The following DNAH14 variants were observed in gnomAD, a reference collection of about 807,000 sequenced individuals.
DNAH14 encodes dynein axonemal heavy chain 14, also known as axonemal beta dynein heavy chain 14.
A neutral mutation model predicts 520.9 loss-of-function variants in DNAH14; 478 were observed. The observed-to-expected ratio is 0.92, with a 90% confidence interval of 0.85 to 0.99. The LOEUF is 0.99. Ranked by LOEUF, DNAH14 falls within the 50% of genes least tolerant of loss-of-function variation. The pLI is 0.00. For missense variants in DNAH14, 4,831 were observed against 5,234.5 expected, an observed-to-expected ratio of 0.92 and a Z score of 2.38; for synonymous variants, 1,581 against 1,757.2, an observed-to-expected ratio of 0.90 and a Z score of 2.51.
intron 37 of DNAH14, among the ~76,000 whole-genome samples, chr1:225,187,278 G>T (rs1337076990): frequency 6.6e-6 from 1 of 151,612 alleles, no homozygotes; most frequent in Non-Finnish European, 1.5e-5. Context: ...TATCACCCCA[G>T]GAGAACACCC....
At chr1:224,971,234 T>C (rs10915749) in intron 7 of DNAH14, among the ~76,000 whole-genome samples, 6,831 of 152,258 alleles carry the variant, frequency 0.045, 429 homozygotes, top group African/African-American at 0.14. Context: ...ATTTTCTTGT[T>C]TCTTCTCTAA....
intron 55 of DNAH14, among the ~76,000 whole-genome samples, chr1:225,294,799 G>C (rs2093970597): frequency 6.7e-6 from 1 of 149,334 alleles, no homozygotes; most frequent in Non-Finnish European, 1.5e-5. Context: ...ACTCCAGCCT[G>C]GGTGACAGAG....
At chr1:225,391,015 C>T (rs1294996357) in intron 83 of DNAH14, among the ~76,000 whole-genome samples, 1 of 152,160 alleles carries the variant, frequency 6.6e-6, no homozygotes, top group Non-Finnish European at 1.5e-5. Flanking sequence ...GTTTCAATGA[C>T]TGGACTAAGC....
Position 225,360,765 on chromosome 1 carries a change from G to A in DNAH14, c.11861G>A (p.Arg3954His), listed in dbSNP as rs540549680. Residue 3954 changes from arginine to histidine, a missense_variant, in exon 75 of 86, where the codon CGT becomes CAT. Coordinates refer to ENST00000682510, the MANE Select transcript of DNAH14 (RefSeq NM_001367479.1). ...CATGTGACCATAATTTCTCTGGGCC[G>A]TGACCAAGCAGCTAAAGCTGAAGAC... Reference protein sequence around the residue: ...THHVTIISLGRDQAAKAEDLI... With the variant: ...THHVTIISLGHDQAAKAEDLI... The A allele has an allele frequency of 7.7e-5, 119 of 1,551,696 alleles. No homozygotes were observed. In the East Asian group the frequency reaches 8.1e-4, roughly 11 times the overall value.
chr1:225,000,465 AT>A (rs113602350), intron 8 of DNAH14, among the ~76,000 whole-genome samples: 136 of 139,512 alleles, frequency 9.7e-4, no homozygotes, highest in South Asian at 1.8e-3. Flanking sequence ...TTCTTCAAGT[AT>A]TTTTTTTTTT....
At chr1:225,180,997 G>A (rs974209120) in intron 36 of DNAH14, among the ~76,000 whole-genome samples, 1 of 152,030 alleles carries the variant, frequency 6.6e-6, no homozygotes, top group Non-Finnish European at 1.5e-5. Context: ...TCCTTCTGGA[G>A]TCCCCAATGT....
At chr1:225,010,431 C>T (rs1053991600) in intron 10 of DNAH14, among the ~76,000 whole-genome samples, 13 of 152,052 alleles carry the variant, frequency 8.5e-5, no homozygotes, top group Non-Finnish European at 1.8e-4. Context: ...AGCCTTGCAT[C>T]CTAGGGATGA....
At chr1:225,118,054 C>T in intron 25 of DNAH14, 55 bp downstream of exon 25, 1 of 1,335,998 alleles carries the variant, frequency 7.5e-7, no homozygotes, top group South Asian at 1.3e-5. Flanking sequence ...TATTTAAAAT[C>T]TCTGCTTTGA....
chr1:225,018,327 C>T (rs1266864738), intron 10 of DNAH14, among the ~76,000 whole-genome samples: 2 of 151,954 alleles, frequency 1.3e-5, no homozygotes, highest in Non-Finnish European at 2.9e-5. Flanking sequence ...TCACTTGAAG[C>T]AATGAAAAAT....
chr1:225,285,259 A>T (rs2093711191), intron 54 of DNAH14, among the ~76,000 whole-genome samples: 1 of 152,198 alleles, frequency 6.6e-6, no homozygotes, highest in Non-Finnish European at 1.5e-5. Context: ...CCCAATTAAA[A>T]ATAAACAGGC....
Position 225,311,574 on chromosome 1 carries a change from T to C in DNAH14, c.9240+3164T>C, listed in dbSNP as rs534276414. ...CCTAGGTTTTCTTCTAGGGTTTTTA[T>C]GGTTTGGGGTCTTACATTTAAATCT... is the stretch of plus-strand genomic sequence containing the variant. On this transcript the variant is annotated intron_variant, in intron 60 of 85. Coordinates refer to ENST00000682510, the MANE Select transcript of DNAH14 (RefSeq NM_001367479.1). Among the ~76,000 whole-genome samples the C allele has an allele frequency of 2.6e-5, 4 of 152,362 alleles. No homozygotes were observed. In the East Asian group the frequency reaches 7.7e-4, roughly 29 times the overall value.
intron 69 of DNAH14, 32 bp from the exon 70 acceptor site, chr1:225,345,930 T>G: frequency 6.6e-7 from 1 of 1,506,248 alleles, no homozygotes; most frequent in East Asian, 2.5e-5. Context: ...TACAATAGTC[T>G]TTATTTAACT....
chr1:225,097,373 G>A (rs755399162), intron 22 of DNAH14, 134 bp downstream of exon 22: 119 of 814,346 alleles, frequency 1.5e-4, no homozygotes, highest in Non-Finnish European at 2.0e-4. Context: ...GGTATAATTT[G>A]CTGAATCATT....
chr1:225,302,388 C>T (rs993224492), intron 56 of DNAH14, among the ~76,000 whole-genome samples: 6 of 151,956 alleles, frequency 3.9e-5, no homozygotes, highest in Non-Finnish European at 8.8e-5. Context: ...AAAAATCTTG[C>T]CTTTTAGTCT....
chr1:225,129,764 A>G (rs1298720793), intron 27 of DNAH14, among the ~76,000 whole-genome samples: 2 of 152,102 alleles, frequency 1.3e-5, no homozygotes, highest in Non-Finnish European at 1.5e-5. Flanking sequence ...ATGGGCAAGG[A>G]CTTCATGTCT....
intron 8 of DNAH14, among the ~76,000 whole-genome samples, chr1:224,985,345 TAAGTG>T: frequency 6.6e-6 from 1 of 152,300 alleles, no homozygotes; most frequent in East Asian, 1.9e-4. Context: ...ACTATTATTC[TAAGTG>T]AAGTAACTCA....
At chr1:225,193,070 TA>T (rs1395488618) in intron 38 of DNAH14, among the ~76,000 whole-genome samples, 159 bp downstream of exon 38, 1 of 152,150 alleles carries the variant, frequency 6.6e-6, no homozygotes, top group East Asian at 1.9e-4. Flanking sequence ...ATTATGTTAT[TA>T]AAAAATGGAA....
At chr1:225,264,927 A>T (rs2093059868) in intron 47 of DNAH14, among the ~76,000 whole-genome samples, 1 of 152,198 alleles carries the variant, frequency 6.6e-6, no homozygotes, top group East Asian at 1.9e-4. Flanking sequence ...GATCTTAAAA[A>T]GTTATATGTG....
At chr1:225,365,969 C>T (rs1007622035) in intron 76 of DNAH14, among the ~76,000 whole-genome samples, 2 of 152,204 alleles carry the variant, frequency 1.3e-5, no homozygotes, top group Non-Finnish European at 2.9e-5. Context: ...ATTATTTATA[C>T]AGACAGAGAT....
Sources: allele counts gnomAD v4.1 joint callset (sites outside exome capture counted in the v4.1 genomes callset), GRCh38; gene constraint gnomAD v4.1.1; transcripts MANE v1.5; gene names NCBI Gene and HGNC (gene_info 2026-07-23, HGNC 2026-07-21).